The following SH3TC1 variants were observed in gnomAD, a reference collection of about 807,000 sequenced individuals.
SH3TC1 encodes the protein SH3 domain and tetratricopeptide repeat-containing protein 1.
In SH3TC1, 135 loss-of-function variants were observed where a neutral mutation model predicts 117.3. The ratio of observed to expected loss-of-function variants is 1.15; its 90% CI spans 1.00 to 1.33. The LOEUF (loss-of-function observed/expected upper bound fraction) is 1.33. SH3TC1 is among the 40% of genes most tolerant of loss of function. The pLI, the probability that SH3TC1 is intolerant of heterozygous loss-of-function variation, is 0.00. For synonymous variants in SH3TC1, 898 were observed against 816.9 expected (o/e 1.10, Z -1.69); for missense variants, 2,092 against 1,794.3 (o/e 1.17, Z -3.00).
chr4:8,239,501 AATGCACCCAGGCAC>A (rs1372925942), intron 17 of SH3TC1, among the ~76,000 whole-genome samples: 7 of 143,328 alleles, frequency 4.9e-5, no homozygotes, highest in African/African-American at 1.8e-4. Context: ...GGCACACGCA[AATGCACCCAGGCAC>A]ATGCACACAG....
At chr4:8,187,554 CT>C (rs764585932) in intron 1 of SH3TC1, among the ~76,000 whole-genome samples, 3,056 of 139,822 alleles carry the variant, frequency 0.022, 69 homozygotes, top group African/African-American at 0.062. Flanking sequence ...CTTTTCTTTT[CT>C]TTTTTTTTTT....
At position 8,186,836 on chromosome 4, in the gene SH3TC1, C is replaced by T. The variant is rs575780815; in HGVS notation, c.-57+4626C>T. The stretch of plus-strand genomic sequence containing the variant: ...GCGGGCACCTGTAATCCCAGCTACT[C>T]GGGAGGCTGAGGTGGGAGAATCGCT... On this transcript the variant is annotated intron_variant, in intron 1 of 16. Coordinates refer to the SH3TC1 transcript ENST00000508641. This position sits in a 1 kb window ranked among gnomAD's most constrained non-coding sequence, Gnocchi z 5.2. 1.3e-5 allele frequency among the ~76,000 whole-genome samples: 2 copies of T among 150,480 alleles called. No individual in the cohort carries two copies. Among genetic ancestry groups the T allele is most frequent in the African/African-American group, 4.9e-5 (2 of 40,832 alleles).
At chr4:8,191,917 C>T (rs190856400) in intron 1 of SH3TC1, among the ~76,000 whole-genome samples, 43 of 152,116 alleles carry the variant, frequency 2.8e-4, no homozygotes, top group East Asian at 1.4e-3. Flanking sequence ...GGGGTCCGGC[C>T]GGGCTGTGTT....
intron 15 of SH3TC1, chr4:8,235,856 C>G: frequency 2.6e-6 from 1 of 383,218 alleles, no homozygotes; most frequent in East Asian, 4.6e-5. Flanking sequence ...GGCACAGGGA[C>G]ACGTCAAAGG....
chr4:8,204,297 G>A (rs1439548305), intron 1 of SH3TC1, among the ~76,000 whole-genome samples: 1 of 152,200 alleles, frequency 6.6e-6, no homozygotes, highest in African/African-American at 2.4e-5. Flanking sequence ...TGCGGGGCAC[G>A]CTGGGCTTAT....
upstream of SH3TC1, among the ~76,000 whole-genome samples, chr4:8,196,002 C>T (rs1008267255): frequency 2.0e-5 from 3 of 152,222 alleles, no homozygotes; most frequent in Non-Finnish European, 2.9e-5. The surrounding 1 kb of genome is among the most constrained non-coding windows in gnomAD (Gnocchi z 4.6). Context: ...GCGCTAACCT[C>T]CCAGGGACGT....
chr4:8,215,195 G>C, intron 5 of SH3TC1: 1 of 456,310 alleles, frequency 2.2e-6, no homozygotes, highest in South Asian at 1.5e-5. Flanking sequence ...CTGCCGTCCA[G>C]TGGCCTCAGT....
chr4:8,222,978 T>TG lies in SH3TC1; in HGVS notation c.1243+11dup, dbSNP rs1431837555. ...GCAGCGTGTACAGCCTGGGTGCGTGTGGGCGATGCCTGTGGTGGGGCCACT... is the reference window on the plus strand; with the variant it reads ...GCAGCGTGTACAGCCTGGGTGCGTGTGGGGCGATGCCTGTGGTGGGGCCACT... On this transcript the variant is annotated intron_variant, in intron 10 of 17. Coordinates refer to ENST00000245105, the MANE Select transcript of SH3TC1 (RefSeq NM_018986.5). 6.2e-7 allele frequency: 1 copy of TG among 1,606,754 alleles called. No individual in the cohort carries two copies. Among genetic ancestry groups the TG allele is most frequent in the Non-Finnish European group, 8.5e-7 (1 of 1,175,446 alleles).
chr4:8,236,703 ATGCCAGACAT>A, intron 16 of SH3TC1: 1 of 391,406 alleles, frequency 2.6e-6, no homozygotes, highest in African/African-American at 2.1e-5. Flanking sequence ...CCTTCCAGAC[ATGCCAGACAT>A]CTCGTTGGTC....
intron 1 of SH3TC1, among the ~76,000 whole-genome samples, chr4:8,185,089 A>G (rs1717183336): frequency 6.7e-6 from 1 of 150,352 alleles, no homozygotes; most frequent in African/African-American, 2.5e-5. Flanking sequence ...TAATCCTAGC[A>G]CTTTGGGAGG....
chr4:8,238,110 G>T (rs553835886), intron 17 of SH3TC1, among the ~76,000 whole-genome samples: 1 of 152,326 alleles, frequency 6.6e-6, no homozygotes, highest in East Asian at 1.9e-4. Flanking sequence ...TGGCGCCTCT[G>T]CTAGGAAGCC....
At chr4:8,201,204 C>T (rs1371146214) in intron 1 of SH3TC1, among the ~76,000 whole-genome samples, 1 of 152,224 alleles carries the variant, frequency 6.6e-6, no homozygotes, top group African/African-American at 2.4e-5. Flanking sequence ...GGCCCTCTCC[C>T]TTCTTCTTCC....
At position 8,234,498 on chromosome 4, in the gene SH3TC1, T is replaced by C. The variant is rs796943405; in HGVS notation, c.3283-935T>C. On this transcript the variant is annotated intron_variant, in intron 14 of 17. Coordinates refer to ENST00000245105, the MANE Select transcript of SH3TC1 (RefSeq NM_018986.5). Reference sequence around the variant, plus strand: ...ACCCATCCATCCATCCATCCACCCATCCATCCATTCATCTGTCCATCCGTC... The same window carrying C: ...ACCCATCCATCCATCCATCCACCCACCCATCCATTCATCTGTCCATCCGTC... Among the ~76,000 whole-genome samples the C allele has an allele frequency of 3.7e-3, 547 of 149,758 alleles. 6 individuals are homozygous for C. The highest frequency in any genetic ancestry group is 0.012 in the African/African-American group (501 of 40,316).
Position 8,236,354 on chromosome 4 carries a change from T to C in SH3TC1, c.3482T>C (p.Leu1161Pro). The change falls in exon 16 of 18, where the codon CTG (leucine) becomes CCG (proline). Residue 1161 changes from leucine to proline, a missense_variant. Transcript: ENST00000245105. ...ELRLCNKLVA[L>P]LATLEEPQEG... ...CGGCTGTGCAACAAGCTGGTGGCACTGCTGGCCACGCTGGAGGAGCCCCAG... is the reference window on the plus strand; with the variant it reads ...CGGCTGTGCAACAAGCTGGTGGCACCGCTGGCCACGCTGGAGGAGCCCCAG... 6.5e-7 allele frequency: 1 copy of C among 1,549,946 alleles called. No individual in the cohort carries two copies. Among genetic ancestry groups the C allele is most frequent in the Non-Finnish European group, 8.7e-7 (1 of 1,146,842 alleles).
At chr4:8,235,620 G>T in intron 15 of SH3TC1, 65 bp downstream of exon 15, 1 of 1,490,418 alleles carries the variant, frequency 6.7e-7, no homozygotes, top group Non-Finnish European at 9.0e-7. Flanking sequence ...CTGAGGCACA[G>T]GTGTGGCAGG....
At position 8,236,347 on chromosome 4, in the gene SH3TC1, G is replaced by T. The variant is rs1479029604; in HGVS notation, c.3475G>T (p.Val1159Leu). The T allele has an allele frequency of 1.3e-6, 2 of 1,551,704 alleles. No homozygotes were observed. The highest frequency in any genetic ancestry group is 1.4e-5 in the African/African-American group (1 of 73,198). Reference protein sequence around the residue: ...KAELRLCNKLVALLATLEEPQ... With the variant: ...KAELRLCNKLLALLATLEEPQ... Reference sequence around the variant, plus strand: ...GGAGCTGCGGCTGTGCAACAAGCTGGTGGCACTGCTGGCCACGCTGGAGGA... The same window carrying T: ...GGAGCTGCGGCTGTGCAACAAGCTGTTGGCACTGCTGGCCACGCTGGAGGA... The change falls in exon 16 of 18, where the codon GTG becomes TTG. Residue 1159 changes from valine (V) to leucine (L), a missense_variant. Val to Leu is a conservative substitution (Grantham distance 32). Transcript: ENST00000245105.
chr4:8,212,666 C>T, intron 3 of SH3TC1, 35 bp from the exon 4 acceptor site: 1 of 1,612,414 alleles, frequency 6.2e-7, no homozygotes, highest in Non-Finnish European at 8.5e-7. Context: ...CAGCCCAGGT[C>T]AGACCAACTG....
intron 1 of SH3TC1, among the ~76,000 whole-genome samples, chr4:8,193,145 C>T (rs933841985): frequency 2.0e-5 from 3 of 152,228 alleles, no homozygotes; most frequent in East Asian, 1.9e-4. Context: ...ACGCATCCCC[C>T]GGCCCTACCC....
rs1168909347 is a variant in SH3TC1 at position 8,212,327 on chromosome 4, G to A, written c.248-374G>A. Among the ~76,000 whole-genome samples, 6 of 152,180 alleles carry A rather than the reference G, an allele frequency of 3.9e-5. No homozygotes were observed. In the East Asian group the frequency reaches 1.2e-3, roughly 29 times the overall value. ...AGGTCCTGTGCCCGCAAGTTCCAAT[G>A]CAGCAACCCTCTGGGGCGGAGCGCT... On this transcript the variant is annotated intron_variant, in intron 3 of 17. Transcript: ENST00000245105.
Sources: allele counts gnomAD v4.1 joint callset (sites outside exome capture counted in the v4.1 genomes callset), GRCh38; gene constraint gnomAD v4.1.1; non-coding constraint Gnocchi (gnomAD v3.1); transcripts MANE v1.5; gene names NCBI Gene and HGNC (gene_info 2026-07-23, HGNC 2026-07-21).